KAT2B: variants seen among roughly 807,000 people sequenced by gnomAD.
KAT2B encodes histone acetyltransferase KAT2B.
In KAT2B, 36 loss-of-function variants were observed where a neutral mutation model predicts 105.9. The ratio of observed to expected loss-of-function variants is 0.34; its 90% confidence interval spans 0.26 to 0.45. KAT2B has a LOEUF of 0.45. Ranked by LOEUF, KAT2B falls within the 20% of genes least tolerant of loss-of-function variation. The pLI is 1.00. For missense variants in KAT2B, 820 were observed against 1,021.6 expected, an observed-to-expected ratio of 0.80 and a Z score of 2.69; for synonymous variants, 397 against 377.9, an observed-to-expected ratio of 1.05 and a Z score of -0.59.
At chr3:20,151,901 A>G (rs1274164206) in intron 17 of KAT2B, among the ~76,000 whole-genome samples, 1 of 152,174 alleles carries the variant, frequency 6.6e-6, no homozygotes, top group Non-Finnish European at 1.5e-5. Context: ...AGTTTAGTGA[A>G]ACAAATGCAG....
chr3:20,046,418 C>T (rs113398215), intron 1 of KAT2B, among the ~76,000 whole-genome samples: 1 of 152,060 alleles, frequency 6.6e-6, no homozygotes, highest in African/African-American at 2.4e-5. Context: ...CCTGTCTCTA[C>T]AAAAATTACG....
chr3:20,138,317 T>C lies in KAT2B; in HGVS notation c.1860+1265T>C, dbSNP rs535029461. Among the ~76,000 whole-genome samples, 361 of 152,324 alleles carry C rather than the reference T, an allele frequency of 2.4e-3. 1 individual carries two copies. The highest frequency in any genetic ancestry group is 8.2e-3 in the African/African-American group (342 of 41,572). The stretch of plus-strand genomic sequence containing the variant: ...GTGTGTATATAAACATAAAAGTTGG[T>C]TCATACTGTGTATATAATAATTTTG... On this transcript the variant is annotated intron_variant, in intron 12 of 17. Coordinates refer to ENST00000263754, the MANE Select transcript of KAT2B (RefSeq NM_003884.5).
intron 1 of KAT2B, among the ~76,000 whole-genome samples, chr3:20,048,920 G>C (rs1007080833): frequency 3.3e-5 from 5 of 151,990 alleles, no homozygotes; most frequent in East Asian, 1.9e-4. Flanking sequence ...CGCCAGGCTG[G>C]AGTGCAGTGG....
chr3:20,113,704 A>C (rs1699159213), intron 6 of KAT2B, among the ~76,000 whole-genome samples: 1 of 152,200 alleles, frequency 6.6e-6, no homozygotes. Context: ...GCACTGTTTC[A>C]GAGTGAGAGC....
At chr3:20,084,017 G>A (rs1347620992) in intron 2 of KAT2B, among the ~76,000 whole-genome samples, 1 of 152,164 alleles carries the variant, frequency 6.6e-6, no homozygotes, top group Non-Finnish European at 1.5e-5. Flanking sequence ...AAAGTTCAGC[G>A]CTACTTCCTC....
At chr3:20,118,742 AAAAAAG>A (rs1369126378) in intron 7 of KAT2B, among the ~76,000 whole-genome samples, 21 of 143,852 alleles carry the variant, frequency 1.5e-4, no homozygotes, top group African/African-American at 5.2e-4. Flanking sequence ...AAAAAAAAAA[AAAAAAG>A]AGAGAGAGCG....
chr3:20,049,984 GA>G (rs1697886558), intron 1 of KAT2B, among the ~76,000 whole-genome samples: 1 of 152,162 alleles, frequency 6.6e-6, no homozygotes, highest in African/African-American at 2.4e-5. Flanking sequence ...CGGATCGCTT[GA>G]GCTCAGGAGT....
At chr3:20,094,339 G>T (rs1698772594) in intron 2 of KAT2B, among the ~76,000 whole-genome samples, 1 of 152,104 alleles carries the variant, frequency 6.6e-6, no homozygotes. Flanking sequence ...CATGAGAACA[G>T]CATGGGGGAA....
intron 2 of KAT2B, among the ~76,000 whole-genome samples, chr3:20,094,353 G>C (rs952680739): frequency 2.0e-5 from 3 of 152,072 alleles, no homozygotes; most frequent in Non-Finnish European, 4.4e-5. Flanking sequence ...GGGGGAAACT[G>C]CCTCCATGAT....
chr3:20,134,728 T>C (rs891860802), intron 11 of KAT2B, among the ~76,000 whole-genome samples: 5 of 152,134 alleles, frequency 3.3e-5, no homozygotes, highest in Admixed American at 2.6e-4. Flanking sequence ...CAGCCCACTA[T>C]TGAAGATACA....
At chr3:20,138,575 G>A (rs1017412726) in intron 12 of KAT2B, among the ~76,000 whole-genome samples, 2 of 151,922 alleles carry the variant, frequency 1.3e-5, no homozygotes, top group Admixed American at 6.6e-5. Context: ...AAAGGAGTTG[G>A]TAACTGAAAA....
intron 1 of KAT2B, among the ~76,000 whole-genome samples, chr3:20,041,809 A>AGATTCCC (rs1697724913): frequency 6.6e-6 from 1 of 152,220 alleles, no homozygotes; most frequent in Non-Finnish European, 1.5e-5. Flanking sequence ...CCCAGATTCC[A>AGATTCCC]GATTCCCGAT....
intron 10 of KAT2B, 61 bp from the exon 11 acceptor site, chr3:20,127,362 C>CA: frequency 2.7e-6 from 4 of 1,480,472 alleles, no homozygotes; most frequent in Non-Finnish European, 3.7e-6. Context: ...AAGGAACACC[C>CA]CAAAAAGTAT....
At chr3:20,101,750 CA>C (rs1220735349) in intron 5 of KAT2B, among the ~76,000 whole-genome samples, 6 of 152,076 alleles carry the variant, frequency 3.9e-5, no homozygotes, top group South Asian at 2.1e-4. Flanking sequence ...ATGATTGTAC[CA>C]AAAAGGAGTT....
chr3:20,151,328 G>A (rs749869031), intron 17 of KAT2B, among the ~76,000 whole-genome samples: 1 of 152,086 alleles, frequency 6.6e-6, no homozygotes, highest in Non-Finnish European at 1.5e-5. Context: ...GATATTGTAC[G>A]TACATTTACT....
At chr3:20,076,371 A>G (rs960359707) in intron 2 of KAT2B, among the ~76,000 whole-genome samples, 3 of 151,986 alleles carry the variant, frequency 2.0e-5, no homozygotes, top group African/African-American at 4.8e-5. Flanking sequence ...TTTCTTCTCT[A>G]TTCTTTAGTC....
intron 2 of KAT2B, among the ~76,000 whole-genome samples, chr3:20,079,598 T>G (rs572309471): frequency 2.0e-5 from 3 of 152,312 alleles, no homozygotes; most frequent in African/African-American, 7.2e-5. Flanking sequence ...AATACCAGTA[T>G]TTTTCTCATG....
At chr3:20,091,510 T>C (rs1160998309) in intron 2 of KAT2B, among the ~76,000 whole-genome samples, 4 of 152,126 alleles carry the variant, frequency 2.6e-5, no homozygotes, top group Non-Finnish European at 4.4e-5. Context: ...CTGATCTTTT[T>C]TGTTTACTCT....
chr3:20,104,709 G>A (rs1698968249), intron 5 of KAT2B, among the ~76,000 whole-genome samples: 1 of 152,156 alleles, frequency 6.6e-6, no homozygotes, highest in Non-Finnish European at 1.5e-5. Context: ...TGAAAATGAA[G>A]TTAAACAGGA....
Sources: gnomAD v4.1 joint callset for allele counts (sites outside exome capture counted in the v4.1 genomes callset) on GRCh38, gnomAD v4.1.1 for gene constraint, MANE v1.5 for transcripts, NCBI Gene and HGNC (gene_info 2026-07-23, HGNC 2026-07-21) for gene names.